ZMYM2: variants seen among roughly 807,000 people sequenced by gnomAD.
ZMYM2 encodes the protein zinc finger MYM-type protein 2.
Under a neutral mutation model 162.8 loss-of-function variants are expected in ZMYM2, and 56 were observed. The observed-to-expected ratio is 0.34, with a 90% CI of 0.28 to 0.43. The LOEUF is 0.43. Ranked by LOEUF, ZMYM2 falls within the 20% of genes least tolerant of loss-of-function variation. ZMYM2 has a pLI of 1.00. For synonymous variants in ZMYM2, 510 were observed against 541.6 expected, an observed-to-expected ratio of 0.94 and a Z score of 0.81; for missense variants, 1,275 against 1,621.8, an observed-to-expected ratio of 0.79 and a Z score of 3.67.
At chr13:19,942,829 C>A in the ZMYM2 span, among the ~76,000 whole-genome samples, 7 of 151,934 alleles carry the variant, frequency 4.6e-5, no homozygotes, top group Non-Finnish European at 1.0e-4. Context: ...TATGGATGTA[C>A]GTGATGAGAA....
chr13:20,069,185 A>G (rs1956899604), intron 21 of ZMYM2, among the ~76,000 whole-genome samples: 1 of 152,104 alleles, frequency 6.6e-6, no homozygotes, highest in South Asian at 2.1e-4. Flanking sequence ...AGAATTTTCT[A>G]TATACACAAT....
the ZMYM2 span, among the ~76,000 whole-genome samples, chr13:19,951,372 A>G: frequency 8.7e-4 from 133 of 152,118 alleles, no homozygotes; most frequent in African/African-American, 3.1e-3. Context: ...ATAACTCAAT[A>G]GGAAGAAAGC....
intron 19 of ZMYM2, among the ~76,000 whole-genome samples, chr13:20,066,268 T>C (rs1298484773): frequency 6.6e-6 from 1 of 152,230 alleles, no homozygotes; most frequent in Non-Finnish European, 1.5e-5. Context: ...ATGCAGTGGT[T>C]GGGCTCTGAT....
At chr13:20,081,580 T>G (rs1957910638) in intron 21 of ZMYM2, among the ~76,000 whole-genome samples, 1 of 152,202 alleles carries the variant, frequency 6.6e-6, no homozygotes, top group Non-Finnish European at 1.5e-5. Flanking sequence ...TAACATTTCC[T>G]CTCATTCTTA....
At position 20,061,018 on chromosome 13, in the gene ZMYM2, T is replaced by C. The variant is rs760655470; in HGVS notation, c.2740-35T>C. 3.2e-6 allele frequency: 5 copies of C among 1,573,902 alleles called. No individual in the cohort carries two copies. In the South Asian group the frequency reaches 5.8e-5, roughly 18 times the overall value. ...ATTTGGAAAAATACCTTTTAATGTT[T>C]AGTAAACCTAACTCAAAATGATTTG... On this transcript the variant is annotated intron_variant, in intron 16 of 24. Coordinates refer to ENST00000610343, the MANE Select transcript of ZMYM2 (RefSeq NM_197968.4).
chr13:20,009,477 T>C (rs560619043), intron 6 of ZMYM2, among the ~76,000 whole-genome samples: 1 of 152,328 alleles, frequency 6.6e-6, no homozygotes, highest in Non-Finnish European at 1.5e-5. Flanking sequence ...TGGCATTAGT[T>C]ACATTTACAG....
chr13:19,881,686 A>G, the ZMYM2 span, among the ~76,000 whole-genome samples: 3 of 151,994 alleles, frequency 2.0e-5, no homozygotes, highest in South Asian at 6.2e-4. Flanking sequence ...ATATCCAAGT[A>G]GAAAAAAATG....
At chr13:20,075,750 C>T (rs972762177) in intron 21 of ZMYM2, among the ~76,000 whole-genome samples, 20 of 134,574 alleles carry the variant, frequency 1.5e-4, no homozygotes, top group African/African-American at 5.5e-4. Flanking sequence ...GGCGCCATCT[C>T]GGCTTAATGC....
At chr13:19,875,998 T>G in the ZMYM2 span, among the ~76,000 whole-genome samples, 1 of 151,852 alleles carries the variant, frequency 6.6e-6, no homozygotes, top group African/African-American at 2.4e-5. Flanking sequence ...AATAAATAAA[T>G]AAAATTGGCT....
intron 14 of ZMYM2, among the ~76,000 whole-genome samples, chr13:20,056,952 C>T (rs3794384): frequency 2.6e-5 from 4 of 151,980 alleles, no homozygotes; most frequent in Non-Finnish European, 5.9e-5. Context: ...GTAAGAAAAT[C>T]ACTGACACTG....
intron 12 of ZMYM2, 53 bp from the exon 13 acceptor site, chr13:20,051,380 G>A (rs533944431): frequency 1.2e-5 from 19 of 1,576,676 alleles, no homozygotes; most frequent in Non-Finnish European, 1.1e-5. Context: ...ATAAACTTCT[G>A]GAAATCTTCA....
the ZMYM2 span, among the ~76,000 whole-genome samples, chr13:19,934,968 T>C: frequency 5.3e-5 from 8 of 152,008 alleles, no homozygotes; most frequent in African/African-American, 1.9e-4. Flanking sequence ...GGTTTCACCA[T>C]GTTGGCCAGG....
chr13:20,028,055 T>C (rs1421356773), intron 9 of ZMYM2: 1 of 178,672 alleles, frequency 5.6e-6, no homozygotes, highest in Non-Finnish European at 1.2e-5. Flanking sequence ...ACAATTCTGC[T>C]TTATTCCAGG....
At chr13:20,075,264 G>A (rs1957403495) in intron 21 of ZMYM2, among the ~76,000 whole-genome samples, 2 of 152,200 alleles carry the variant, frequency 1.3e-5, no homozygotes, top group Admixed American at 6.5e-5. Context: ...TCTTCCGTAT[G>A]TCTATGGAAG....
At chr13:19,985,096 G>A (rs1949025762) in intron 2 of ZMYM2, among the ~76,000 whole-genome samples, 1 of 152,148 alleles carries the variant, frequency 6.6e-6, no homozygotes, top group African/African-American at 2.4e-5. Context: ...TATGACAAGT[G>A]AATGTTAACC....
chr13:20,022,497 A>G (rs1441226222), intron 7 of ZMYM2, among the ~76,000 whole-genome samples: 1 of 152,160 alleles, frequency 6.6e-6, no homozygotes, highest in Admixed American at 6.5e-5. Context: ...TTCCCTCTGT[A>G]TCTGTTTAAG....
At chr13:20,078,775 T>C (rs1047394000) in intron 21 of ZMYM2, among the ~76,000 whole-genome samples, 1 of 152,226 alleles carries the variant, frequency 6.6e-6, no homozygotes, top group Non-Finnish European at 1.5e-5. Flanking sequence ...TTTTATATTA[T>C]ATGTTGGGAT....
chr13:19,985,769 G>A (rs1331242375), intron 2 of ZMYM2, among the ~76,000 whole-genome samples: 1 of 151,638 alleles, frequency 6.6e-6, no homozygotes, highest in African/African-American at 2.4e-5. Flanking sequence ...CCAGCTACTC[G>A]GGAGGCTGAG....
intron 12 of ZMYM2, among the ~76,000 whole-genome samples, chr13:20,038,096 C>G (rs259804): frequency 0.1 from 15,479 of 152,192 alleles, 1,300 homozygotes; most frequent in African/African-American, 0.22. Context: ...GCCTCCAGTC[C>G]TATCCATGTT....
Sources: gnomAD v4.1 joint callset for allele counts (sites outside exome capture counted in the v4.1 genomes callset) on GRCh38, gnomAD v4.1.1 for gene constraint, MANE v1.5 for transcripts, NCBI Gene and HGNC (gene_info 2026-07-23, HGNC 2026-07-21) for gene names.